Variants in ROBO1 observed in about 807,000 individuals in gnomAD.
The protein encoded by ROBO1 is roundabout homolog 1.
In ROBO1, 149 loss-of-function variants were observed where a neutral mutation model predicts 195.9. The ratio of observed to expected loss-of-function variants is 0.76; its 90% CI spans 0.67 to 0.87. The LOEUF (loss-of-function observed/expected upper bound fraction) is 0.87, where lower values mean the gene tolerates loss of function less well. Ranked by LOEUF, ROBO1 falls within the 40% of genes least tolerant of loss-of-function variation. The pLI, the probability that ROBO1 is intolerant of heterozygous loss-of-function variation, is 0.00. For missense variants in ROBO1, 1,933 were observed against 2,068.3 expected, an observed-to-expected ratio of 0.93 and a Z score of 1.27; for synonymous variants, 816 against 733.2, an observed-to-expected ratio of 1.11 and a Z score of -1.82.
intron 2 of ROBO1, among the ~76,000 whole-genome samples, chr3:79,584,924 A>G (rs566514205): frequency 2.6e-5 from 4 of 151,958 alleles, no homozygotes; most frequent in South Asian, 2.1e-4. Flanking sequence ...GGTTAAGTCC[A>G]TTATTATTGT....
At chr3:79,454,982 A>T (rs1370058316) in intron 2 of ROBO1, among the ~76,000 whole-genome samples, 1 of 152,156 alleles carries the variant, frequency 6.6e-6, no homozygotes, top group Non-Finnish European at 1.5e-5. Context: ...AGAGGTTGGC[A>T]AGAGTTTCTT....
intron 2 of ROBO1, among the ~76,000 whole-genome samples, chr3:79,344,747 G>A (rs1036532367): frequency 6.6e-6 from 1 of 151,912 alleles, no homozygotes; most frequent in African/African-American, 2.4e-5. Context: ...AGGGTGATAT[G>A]GTTTGATTCC....
chr3:79,323,888 T>A (rs2034095765), intron 2 of ROBO1, among the ~76,000 whole-genome samples: 3 of 152,116 alleles, frequency 2.0e-5, no homozygotes. Flanking sequence ...GCCCCCCGAG[T>A]AGTGTTAATC....
chr3:79,384,142 T>G (rs2036659424), intron 2 of ROBO1, among the ~76,000 whole-genome samples: 1 of 152,022 alleles, frequency 6.6e-6, no homozygotes, highest in South Asian at 2.1e-4. Flanking sequence ...TAACTTGACA[T>G]TTAACAACAT....
intron 2 of ROBO1, among the ~76,000 whole-genome samples, chr3:79,550,622 A>G (rs1942476093): frequency 6.6e-6 from 1 of 152,224 alleles, no homozygotes; most frequent in African/African-American, 2.4e-5. Context: ...ATGTTTAAAA[A>G]TTTTAGTTTA....
chr3:78,805,848 T>G lies in ROBO1; in HGVS notation c.500-58948A>C, dbSNP rs148199270. On this transcript the variant is annotated intron_variant, in intron 4 of 30. Transcript: ENST00000464233. ...CATAGTATAGTGTAAACATACATTA[T>G]TTTAGCCAGTGATACATTTGTGCTA... 3.0e-3 allele frequency among the ~76,000 whole-genome samples: 460 copies of G among 152,298 alleles called. 1 individual carries two copies. Among genetic ancestry groups the G allele is most frequent in the Non-Finnish European group, 5.0e-3 (339 of 68,012 alleles).
At chr3:79,578,314 G>A (rs1029578300) in intron 2 of ROBO1, among the ~76,000 whole-genome samples, 24 of 152,134 alleles carry the variant, frequency 1.6e-4, no homozygotes, top group African/African-American at 5.3e-4. Flanking sequence ...AGTGTATGAT[G>A]CCAAAAATAA....
intron 2 of ROBO1, among the ~76,000 whole-genome samples, chr3:79,329,641 CTGT>C (rs1423157990): frequency 6.6e-6 from 1 of 152,046 alleles, no homozygotes; most frequent in East Asian, 1.9e-4. Context: ...GGTAGAGATG[CTGT>C]TATTATTTTT....
chr3:78,837,525 T>A (rs569602961), intron 4 of ROBO1, among the ~76,000 whole-genome samples: 18 of 152,196 alleles, frequency 1.2e-4, no homozygotes, highest in African/African-American at 3.9e-4. Context: ...AGAGAAAAAA[T>A]GCTGTCAAAA....
intron 1 of ROBO1, among the ~76,000 whole-genome samples, chr3:79,690,250 G>T (rs1947260425): frequency 6.6e-6 from 1 of 151,912 alleles, no homozygotes; most frequent in Non-Finnish European, 1.5e-5. Flanking sequence ...ACTGAGATGT[G>T]TGGTTTTCCT....
chr3:78,655,560 T>C (rs758204482), intron 18 of ROBO1, among the ~76,000 whole-genome samples: 187 of 152,360 alleles, frequency 1.2e-3, no homozygotes, highest in Non-Finnish European at 2.2e-3. Flanking sequence ...GTAGACGTTA[T>C]TGTCTTATAG....
chr3:79,306,693 A>G (rs1487669399), intron 2 of ROBO1, among the ~76,000 whole-genome samples: 2 of 152,238 alleles, frequency 1.3e-5, no homozygotes, highest in African/African-American at 2.4e-5. Context: ...CATCTATATG[A>G]TAAGGTAGTT....
At chr3:79,659,661 T>C (rs552897515) in intron 1 of ROBO1, among the ~76,000 whole-genome samples, 9 of 151,798 alleles carry the variant, frequency 5.9e-5, no homozygotes, top group African/African-American at 1.9e-4. Context: ...CAGAAAACAA[T>C]TGGGCACTAT....
intron 2 of ROBO1, among the ~76,000 whole-genome samples, chr3:79,407,406 C>G (rs964919250): frequency 5.3e-5 from 8 of 152,140 alleles, no homozygotes; most frequent in Non-Finnish European, 8.8e-5. Flanking sequence ...AATTCTGCCT[C>G]TTTAAACGTT....
At chr3:79,232,368 GA>G (rs2082335743) in intron 2 of ROBO1, among the ~76,000 whole-genome samples, 1 of 146,438 alleles carries the variant, frequency 6.8e-6, no homozygotes, top group Non-Finnish European at 1.5e-5. Context: ...GGAAATATGA[GA>G]AAAAAATAAA....
chr3:79,696,421 A>G (rs2107124333), intron 1 of ROBO1, among the ~76,000 whole-genome samples: 1 of 149,836 alleles, frequency 6.7e-6, no homozygotes, highest in African/African-American at 2.4e-5. Context: ...AACTTGGCAT[A>G]AGTGAATTAT....
chr3:78,893,001 C>T lies in ROBO1; in HGVS notation c.499+45600G>A, dbSNP rs72896499. Reference sequence around the variant, plus strand: ...CCCCTGGATTTCAGGAAAGTGCAACCTCATACTGGCAGGAGGAAAGACCTC... The same window carrying T: ...CCCCTGGATTTCAGGAAAGTGCAACTTCATACTGGCAGGAGGAAAGACCTC... On this transcript the variant is annotated intron_variant, in intron 4 of 30. Coordinates refer to ENST00000464233, the MANE Select transcript of ROBO1 (RefSeq NM_002941.4). 3.2e-3 allele frequency among the ~76,000 whole-genome samples: 490 copies of T among 152,250 alleles called. 3 individuals carry two copies. Among genetic ancestry groups the T allele is most frequent in the African/African-American group, 0.011 (462 of 41,550 alleles).
intron 4 of ROBO1, among the ~76,000 whole-genome samples, chr3:78,765,375 AT>A (rs1559831281): frequency 1.3e-5 from 2 of 152,026 alleles, no homozygotes; most frequent in African/African-American, 4.8e-5. Context: ...TTTTAAAAAA[AT>A]ATAGAAACAT....
chr3:79,693,855 A>T (rs1191896426), intron 1 of ROBO1, among the ~76,000 whole-genome samples: 1 of 151,804 alleles, frequency 6.6e-6, no homozygotes, highest in Non-Finnish European at 1.5e-5. Context: ...ATTATCAAAT[A>T]CCAACTTTAG....
Sources: allele counts gnomAD v4.1 joint callset (sites outside exome capture counted in the v4.1 genomes callset), GRCh38; gene constraint gnomAD v4.1.1; transcripts MANE v1.5; gene names NCBI Gene and HGNC (gene_info 2026-07-23, HGNC 2026-07-21).